Variants in COL5A2 observed in about 807,000 individuals in gnomAD.
COL5A2 encodes the protein collagen alpha-2(V) chain.
COL5A2 carries 23 observed loss-of-function variants against 208.2 expected under a neutral mutation model. The observed-to-expected ratio is 0.11, with a 90% CI of 0.08 to 0.16. The LOEUF (loss-of-function observed/expected upper bound fraction) is 0.16, where lower values mean the gene tolerates loss of function less well. Ranked by LOEUF, COL5A2 falls within the 10% of genes least tolerant of loss-of-function variation. COL5A2 has a pLI of 1.00. For synonymous variants in COL5A2, 625 were observed against 628.5 expected, an observed-to-expected ratio of 0.99 and a Z score of 0.08; for missense variants, 1,590 against 1,956.4, an observed-to-expected ratio of 0.81 and a Z score of 3.53.
chr2:189,410,490 C>T, the COL5A2 span, among the ~76,000 whole-genome samples: 2 of 152,038 alleles, frequency 1.3e-5, no homozygotes, highest in Non-Finnish European at 2.9e-5. Context: ...TGCTTGAGCC[C>T]AGGAGTTCGA....
chr2:189,234,244 C>A, the COL5A2 span, among the ~76,000 whole-genome samples: 1 of 151,456 alleles, frequency 6.6e-6, no homozygotes, highest in Non-Finnish European at 1.5e-5. Context: ...CTACACACAC[C>A]CTAGTTTTTG....
At position 189,124,732 on chromosome 2, in the gene COL5A2, C is replaced by CT. The variant is rs74268947; in HGVS notation, c.98-14284dup. Among the ~76,000 whole-genome samples the CT allele has an allele frequency of 4.7e-3, 618 of 132,754 alleles. 2 individuals carry two copies. Among genetic ancestry groups the CT allele is most frequent in the African/African-American group, 0.011 (413 of 36,516 alleles). 87.1% of individuals were successfully genotyped at this position (132,754 alleles called of 152,430 possible). A position where few individuals can be genotyped will look rare whatever the true frequency, so the allele number is the denominator to read the frequency against. ...TTTAAAAAGTTCTTAACTGTGTTTTCTTTTTTTTTTTTTTAATTTAATCTT... is the reference window on the plus strand; with the variant it reads ...TTTAAAAAGTTCTTAACTGTGTTTTCTTTTTTTTTTTTTTTAATTTAATCTT... On this transcript the variant is annotated intron_variant, in intron 1 of 53. Transcript: ENST00000374866.
In COL5A2 at chr2:189,110,413, C is replaced by T. The variant is rs1333432776; in HGVS notation, c.134G>A (p.Gly45Asp). 3.7e-6 allele frequency: 6 copies of T among 1,613,850 alleles called. No individual in the cohort carries two copies. In the African/African-American group the frequency reaches 8.0e-5, roughly 22 times the overall value. Residue 45 changes from glycine to aspartate, a missense_variant, in exon 2 of 54, where the codon GGC (glycine) becomes GAC (aspartate). Coordinates refer to ENST00000374866, the MANE Select transcript of COL5A2 (RefSeq NM_000393.5). ...AATGTCCCTGTTTAAGTACATCTGG[C>T]CATTCTGAGTGCAGGCTATTTCTTC... ...YGEEIACTQN[G>D]QMYLNRDIWK...
the COL5A2 span, among the ~76,000 whole-genome samples, chr2:189,289,929 G>A: frequency 0.039 from 5,903 of 152,142 alleles, 129 homozygotes; most frequent in Admixed American, 0.052. Flanking sequence ...CAGATTCAAC[G>A]CAATCCCTAT....
chr2:189,188,936 G>A (rs933596514), intron 1 of COL5A2, among the ~76,000 whole-genome samples: 6 of 152,196 alleles, frequency 3.9e-5, no homozygotes, highest in African/African-American at 1.2e-4. Flanking sequence ...ATACTTTAAA[G>A]ACTTCTGTGT....
chr2:189,412,203 G>T, the COL5A2 span, among the ~76,000 whole-genome samples: 1 of 152,042 alleles, frequency 6.6e-6, no homozygotes, highest in Non-Finnish European at 1.5e-5. Flanking sequence ...CCTGTGAGCC[G>T]CAGTCCCAAA....
At chr2:189,382,697 A>G in the COL5A2 span, among the ~76,000 whole-genome samples, 147 of 152,310 alleles carry the variant, frequency 9.7e-4, 2 homozygotes, top group African/African-American at 3.2e-3. Context: ...AAGAGTCAGC[A>G]AAGGGTGGTG....
chr2:189,064,373 T>C (rs538558906), intron 25 of COL5A2, among the ~76,000 whole-genome samples, 184 bp downstream of exon 25: 1 of 152,322 alleles, frequency 6.6e-6, no homozygotes, highest in East Asian at 1.9e-4. Context: ...CCGTGTTTTC[T>C]ATATATGATA....
At chr2:189,167,370 G>A (rs185421978) in intron 1 of COL5A2, among the ~76,000 whole-genome samples, 3 of 152,202 alleles carry the variant, frequency 2.0e-5, no homozygotes, top group Admixed American at 1.3e-4. Context: ...TATCTTTATA[G>A]AACTAATTCT....
At chr2:189,400,778 G>T in the COL5A2 span, among the ~76,000 whole-genome samples, 1 of 152,144 alleles carries the variant, frequency 6.6e-6, no homozygotes, top group South Asian at 2.1e-4. Flanking sequence ...GAGGAACAAT[G>T]ATTAAAATTA....
chr2:189,058,542 G>A lies in COL5A2; in HGVS notation c.2131-15C>T. The A allele has an allele frequency of 6.3e-7, 1 of 1,596,542 alleles. No homozygotes were observed. The highest frequency in any genetic ancestry group is 1.1e-5 in the South Asian group (1 of 90,728). ...CCTCGTTCTCCCTAGCACAAAATTG[G>A]GATGTCAAATAATCTCAATACTTGA... On this transcript the variant is annotated splice_polypyrimidine_tract_variant and intron_variant, in intron 32 of 53. Coordinates refer to ENST00000374866, the MANE Select transcript of COL5A2 (RefSeq NM_000393.5).
chr2:189,140,055 A>T (rs1687906546), intron 1 of COL5A2, among the ~76,000 whole-genome samples: 1 of 152,094 alleles, frequency 6.6e-6, no homozygotes. Flanking sequence ...TCTGGGCGAC[A>T]CAGAGAGACT....
the COL5A2 span, among the ~76,000 whole-genome samples, chr2:189,317,721 A>T: frequency 6.6e-6 from 1 of 152,200 alleles, no homozygotes; most frequent in African/African-American, 2.4e-5. Context: ...AGTTAATCTA[A>T]AAGTTAGGTA....
chr2:189,215,388 C>T (rs1276254275), intron 1 of COL5A2, among the ~76,000 whole-genome samples: 1 of 152,008 alleles, frequency 6.6e-6, no homozygotes, highest in Non-Finnish European at 1.5e-5. Context: ...ATTCTGCATG[C>T]TGTAAGAGTA....
chr2:189,064,547 A>G lies in COL5A2; in HGVS notation c.1716+10T>C, dbSNP rs1241922409. ...CCCTTTGATGTAGCAAACACTTGCTATATTCTTACCCGAGCACCTGGAAGC... is the reference window on the plus strand; with the variant it reads ...CCCTTTGATGTAGCAAACACTTGCTGTATTCTTACCCGAGCACCTGGAAGC... On this transcript the variant is annotated intron_variant, in intron 25 of 53. Coordinates refer to ENST00000374866, the MANE Select transcript of COL5A2 (RefSeq NM_000393.5). The G allele has an allele frequency of 4.4e-6, 7 of 1,604,086 alleles. No individual in the cohort carries two copies. The highest frequency in any genetic ancestry group is 5.1e-6 in the Non-Finnish European group (6 of 1,171,212).
chr2:189,335,273 C>G, the COL5A2 span, among the ~76,000 whole-genome samples: 2 of 152,070 alleles, frequency 1.3e-5, no homozygotes, highest in South Asian at 2.1e-4. Flanking sequence ...ATGCAAATCA[C>G]AAACCACAAT....
chr2:189,342,425 G>A, the COL5A2 span, among the ~76,000 whole-genome samples: 1 of 110,938 alleles, frequency 9.0e-6, no homozygotes, highest in African/African-American at 2.7e-5. Flanking sequence ...GTTCTCCTTT[G>A]GGTTTTACAT....
chr2:189,113,828 C>T (rs938106023), intron 1 of COL5A2, among the ~76,000 whole-genome samples: 4 of 151,656 alleles, frequency 2.6e-5, no homozygotes, highest in Middle Eastern at 6.9e-3. Context: ...CAAGATGACA[C>T]GTAATGATGT....
chr2:189,408,737 C>T, the COL5A2 span, among the ~76,000 whole-genome samples: 14 of 152,146 alleles, frequency 9.2e-5, no homozygotes, highest in African/African-American at 3.1e-4. Flanking sequence ...TGTAGAACAG[C>T]GGCTGATAGT....
Sources: allele counts gnomAD v4.1 joint callset (sites outside exome capture counted in the v4.1 genomes callset), GRCh38; gene constraint gnomAD v4.1.1; transcripts MANE v1.5; gene names NCBI Gene and HGNC (gene_info 2026-07-23, HGNC 2026-07-21).